Variants in GRHL2 observed in about 807,000 individuals in gnomAD.
The protein encoded by GRHL2 is grainyhead like transcription factor 2.
GRHL2 carries 21 observed loss-of-function variants against 83.8 expected under a neutral mutation model. The ratio of observed to expected loss-of-function variants is 0.25; its 90% CI spans 0.18 to 0.36. The LOEUF (loss-of-function observed/expected upper bound fraction) is 0.36, where lower values mean the gene tolerates loss of function less well. Among genes scored for constraint, GRHL2 ranks in the 10% least tolerant of loss-of-function variants. The pLI is 1.00. For synonymous variants in GRHL2, 280 were observed against 278.9 expected (o/e 1.00, Z -0.04); for missense variants, 623 against 781.8 (o/e 0.80, Z 2.42).
chr8:101,622,315 TAAAC>T (rs1018570367), intron 9 of GRHL2, among the ~76,000 whole-genome samples: 1 of 151,914 alleles, frequency 6.6e-6, no homozygotes, highest in Non-Finnish European at 1.5e-5. Flanking sequence ...AGAAACAAAA[TAAAC>T]AAACCCCCAA....
chr8:101,653,616 G>T (rs35365856), intron 14 of GRHL2, among the ~76,000 whole-genome samples: 1 of 151,804 alleles, frequency 6.6e-6, no homozygotes, highest in Non-Finnish European at 1.5e-5. Context: ...GCTGGCATGC[G>T]CTGTAGTCCC....
chr8:101,614,889 A>G (rs146850296), intron 8 of GRHL2, among the ~76,000 whole-genome samples: 15 of 152,348 alleles, frequency 9.8e-5, no homozygotes, highest in Admixed American at 2.0e-4. Context: ...CCATCAAGGT[A>G]CTGAAACTGT....
chr8:101,588,815 G>A (rs1344113245), intron 7 of GRHL2, among the ~76,000 whole-genome samples: 2 of 152,224 alleles, frequency 1.3e-5, no homozygotes. Context: ...TTAGACACTA[G>A]AATGAGGCTG....
intron 1 of GRHL2, among the ~76,000 whole-genome samples, chr8:101,536,872 G>C (rs1405061173): frequency 6.6e-6 from 1 of 152,060 alleles, no homozygotes; most frequent in Non-Finnish European, 1.5e-5. Flanking sequence ...TCATCACCCA[G>C]GTACTAAGCC....
At chr8:101,532,497 A>T (rs920439956) in intron 1 of GRHL2, among the ~76,000 whole-genome samples, 1 of 152,148 alleles carries the variant, frequency 6.6e-6, no homozygotes, top group Non-Finnish European at 1.5e-5. Context: ...CATGCCTGTT[A>T]TCCCAGCACT....
At chr8:101,539,886 T>A (rs1811117685) in intron 1 of GRHL2, among the ~76,000 whole-genome samples, 1 of 152,216 alleles carries the variant, frequency 6.6e-6, no homozygotes, top group African/African-American at 2.4e-5. Flanking sequence ...ACCACCCATG[T>A]CCTTTCTCAC....
intron 7 of GRHL2, among the ~76,000 whole-genome samples, chr8:101,578,860 T>C (rs186106174): frequency 6.6e-6 from 1 of 152,340 alleles, no homozygotes; most frequent in Admixed American, 6.5e-5. Flanking sequence ...GGTGAGAGGC[T>C]CACTGTAGAA....
At chr8:101,523,189 G>A (rs1180206635) in intron 1 of GRHL2, among the ~76,000 whole-genome samples, 1 of 150,896 alleles carries the variant, frequency 6.6e-6, no homozygotes, top group East Asian at 2.0e-4. Context: ...TGGGATTACA[G>A]ACTTAAGCCA....
chr8:101,676,801 G>T, the GRHL2 span, among the ~76,000 whole-genome samples: 3 of 152,068 alleles, frequency 2.0e-5, no homozygotes, highest in Admixed American at 1.3e-4. Flanking sequence ...GCAAAGACTT[G>T]GAACCAACCC....
At position 101,559,351 on chromosome 8, in the gene GRHL2, T is replaced by TGCAAAAAAAAAAA. The variant is rs1285229771; in HGVS notation, c.678+539_678+540insGCAAAAAAAAAAA. Among the ~76,000 whole-genome samples the TGCAAAAAAAAAAA allele has an allele frequency of 2.7e-3, 52 of 19,208 alleles. 3 individuals carry two copies. The highest frequency in any genetic ancestry group is 5.6e-3 in the Admixed American group (7 of 1,258). 12.6% of individuals were successfully genotyped at this position (19,208 alleles called of 152,430 possible). ...GGTGAACTCCTGTCTCTACTAAAAA[T>TGCAAAAAAAAAAA]ACAAAAAAAAAAAAAAAAAAAAAAA... On this transcript the variant is annotated intron_variant, in intron 4 of 15. Coordinates refer to ENST00000646743, the MANE Select transcript of GRHL2 (RefSeq NM_024915.4).
At chr8:101,619,776 C>T in intron 9 of GRHL2, 79 bp downstream of exon 9, 2 of 1,095,136 alleles carry the variant, frequency 1.8e-6, no homozygotes, top group Non-Finnish European at 1.4e-6. Context: ...TCCTTGTCAC[C>T]TTTGCTTGTC....
At chr8:101,527,460 C>T (rs1249943282) in intron 1 of GRHL2, among the ~76,000 whole-genome samples, 1 of 152,196 alleles carries the variant, frequency 6.6e-6, no homozygotes, top group Non-Finnish European at 1.5e-5. Flanking sequence ...CTTGGCCTCC[C>T]AAAGCACTGG....
At chr8:101,653,044 G>A (rs2129717972) in intron 14 of GRHL2, among the ~76,000 whole-genome samples, 1 of 152,290 alleles carries the variant, frequency 6.6e-6, no homozygotes, top group Middle Eastern at 3.4e-3. Context: ...AAATGGTGCA[G>A]GTATCTGCAT....
At chr8:101,541,147 GGTGTGTGTGTGT>G (rs56763374) in intron 1 of GRHL2, among the ~76,000 whole-genome samples, 3,349 of 144,302 alleles carry the variant, frequency 0.023, 44 homozygotes, top group African/African-American at 0.037. Flanking sequence ...ACTATTTCAT[GGTGTGTGTGTGT>G]GTGTGTGTGT....
chr8:101,503,538 A>G (rs887147865), intron 1 of GRHL2, among the ~76,000 whole-genome samples: 3 of 152,230 alleles, frequency 2.0e-5, no homozygotes, highest in Non-Finnish European at 4.4e-5. Flanking sequence ...ACTTTCTGGA[A>G]GGCAGTTTGG....
At chr8:101,557,412 T>G (rs375324966) in intron 3 of GRHL2, among the ~76,000 whole-genome samples, 8 of 152,024 alleles carry the variant, frequency 5.3e-5, no homozygotes, top group East Asian at 3.9e-4. Context: ...TTAGTAGAGA[T>G]GGGGTTTCAC....
At chr8:101,596,606 T>C (rs905631515) in intron 7 of GRHL2, among the ~76,000 whole-genome samples, 1 of 152,180 alleles carries the variant, frequency 6.6e-6, no homozygotes, top group African/African-American at 2.4e-5. Context: ...TTTACACCAG[T>C]TTATTGACAT....
intron 13 of GRHL2, among the ~76,000 whole-genome samples, chr8:101,648,685 G>A (rs999924512): frequency 3.3e-5 from 5 of 152,064 alleles, no homozygotes; most frequent in African/African-American, 4.8e-5. Flanking sequence ...CCCTTGTCTC[G>A]GACAGTGCCC....
At chr8:101,566,426 C>G (rs1204988510) in intron 4 of GRHL2, among the ~76,000 whole-genome samples, 1 of 151,748 alleles carries the variant, frequency 6.6e-6, no homozygotes, top group East Asian at 1.9e-4. Flanking sequence ...GATCACTCCT[C>G]CCTCTTGCAA....
Sources: allele counts gnomAD v4.1 joint callset (sites outside exome capture counted in the v4.1 genomes callset), GRCh38; gene constraint gnomAD v4.1.1; transcripts MANE v1.5; gene names NCBI Gene and HGNC (gene_info 2026-07-23, HGNC 2026-07-21).